The following CCSER1 variants were observed in gnomAD, a reference collection of about 807,000 sequenced individuals.
CCSER1 encodes the protein coiled-coil serine rich protein 1, also known as serine-rich coiled-coil domain-containing protein 1.
CCSER1 carries 41 observed loss-of-function variants against 82.0 expected under a neutral mutation model. That is an observed-to-expected ratio of 0.50 (90% confidence interval 0.39 to 0.65). The LOEUF (loss-of-function observed/expected upper bound fraction) is 0.65. CCSER1 is among the 30% of genes least tolerant of loss of function. The pLI, the probability that CCSER1 is intolerant of heterozygous loss-of-function variation, is 0.00. For synonymous variants in CCSER1, 414 were observed against 383.9 expected, an observed-to-expected ratio of 1.08 and a Z score of -0.92; for missense variants, 1,119 against 1,064.2, an observed-to-expected ratio of 1.05 and a Z score of -0.72.
chr4:91,295,270 A>C (rs1438482900), intron 10 of CCSER1, among the ~76,000 whole-genome samples: 1 of 152,002 alleles, frequency 6.6e-6, no homozygotes, highest in Non-Finnish European at 1.5e-5. Context: ...AAGTAAATGC[A>C]GTGGATCTTA....
In CCSER1 at chr4:91,445,624, T is replaced by C. The variant is rs113460129; in HGVS notation, c.2218-152948T>C. ...CTCACCCCCACCATTTCTTTCACTT[T>C]ACATCCAATCTATTTGTTTTTATCT... On this transcript the variant is annotated intron_variant, in intron 10 of 10. Coordinates refer to ENST00000509176, the MANE Select transcript of CCSER1 (RefSeq NM_001145065.2). Among the ~76,000 whole-genome samples, 60 of 152,260 alleles carry C rather than the reference T, an allele frequency of 3.9e-4. 1 individual carries two copies. The highest frequency in any genetic ancestry group is 1.3e-3 in the African/African-American group (56 of 41,562).
At chr4:91,401,001 A>T (rs1165041961) in intron 10 of CCSER1, among the ~76,000 whole-genome samples, 1 of 151,928 alleles carries the variant, frequency 6.6e-6, no homozygotes, top group Non-Finnish European at 1.5e-5. Flanking sequence ...AGAACTATTT[A>T]TAGTTATTTA....
chr4:90,543,904 A>C (rs1410331694), intron 5 of CCSER1, among the ~76,000 whole-genome samples: 1 of 152,160 alleles, frequency 6.6e-6, no homozygotes, highest in African/African-American at 2.4e-5. Flanking sequence ...AATTGTGATG[A>C]AAGGGTCTGA....
At chr4:90,203,275 G>A (rs945437590) in intron 1 of CCSER1, among the ~76,000 whole-genome samples, 3 of 152,090 alleles carry the variant, frequency 2.0e-5, no homozygotes, top group Admixed American at 6.5e-5. Context: ...GTATACATGT[G>A]CCATGGTGGT....
In CCSER1 at chr4:90,995,344, A is replaced by G. The variant is rs74417907; in HGVS notation, c.2172+71897A>G. On this transcript the variant is annotated intron_variant, in intron 9 of 10. Transcript: ENST00000509176. The stretch of plus-strand genomic sequence containing the variant: ...CCATTAGTTTTTGGACATTGCCCAG[A>G]AGAATTCACAGTAAATTAATAGTCA... 8.8e-4 allele frequency among the ~76,000 whole-genome samples: 134 copies of G among 152,268 alleles called. 1 individual carries two copies. The East Asian group carries it at 0.021, about 24-fold the overall frequency.
chr4:90,514,206 G>A lies in CCSER1; in HGVS notation c.1724+45852G>A, dbSNP rs538616296. Among the ~76,000 whole-genome samples, 8 of 152,200 alleles carry A rather than the reference G, an allele frequency of 5.3e-5. 2 individuals are homozygous for A. Among genetic ancestry groups the A allele is most frequent in the South Asian group, 4.2e-4 (2 of 4,818 alleles). On this transcript the variant is annotated intron_variant, in intron 5 of 10. Transcript: ENST00000509176. ...TTCTTTCATAACTCTTGAATTTGAC[G>A]AGATTAAGCTCTGGATGAATGATTA...
chr4:90,859,780 T>C (rs919423725), intron 8 of CCSER1, among the ~76,000 whole-genome samples: 3 of 151,770 alleles, frequency 2.0e-5, no homozygotes, highest in Non-Finnish European at 4.4e-5. Context: ...TCAAGATATA[T>C]TTAAGGACTG....
intron 10 of CCSER1, among the ~76,000 whole-genome samples, chr4:91,204,845 A>C (rs2149074058): frequency 6.6e-6 from 1 of 151,868 alleles, no homozygotes; most frequent in South Asian, 2.1e-4. Flanking sequence ...CTAAAGAAAA[A>C]TATTGAAATT....
intron 1 of CCSER1, among the ~76,000 whole-genome samples, chr4:90,200,520 A>G (rs1171429993): frequency 6.6e-6 from 1 of 152,104 alleles, no homozygotes; most frequent in Non-Finnish European, 1.5e-5. Context: ...CTCTTTGCTT[A>G]TGAACAATGG....
At chr4:90,247,530 A>C (rs1383295507) in intron 1 of CCSER1, among the ~76,000 whole-genome samples, 1 of 152,156 alleles carries the variant, frequency 6.6e-6, no homozygotes, top group Non-Finnish European at 1.5e-5. Flanking sequence ...CATAGAATTA[A>C]ACTAATCAGT....
chr4:91,296,793 T>C (rs1744217198), intron 10 of CCSER1, among the ~76,000 whole-genome samples: 1 of 151,572 alleles, frequency 6.6e-6, no homozygotes, highest in African/African-American at 2.4e-5. Context: ...ATTACCAGAC[T>C]GGGATTTTTT....
intron 1 of CCSER1, chr4:90,235,055 T>G (rs537016488): frequency 1.3e-5 from 2 of 152,154 alleles, no homozygotes; most frequent in South Asian, 4.2e-4. Flanking sequence ...CGGGGCTGTG[T>G]ATGCTCGAGG....
chr4:90,594,871 A>G (rs1041127638), intron 5 of CCSER1, among the ~76,000 whole-genome samples: 1 of 152,088 alleles, frequency 6.6e-6, no homozygotes, highest in Non-Finnish European at 1.5e-5. Flanking sequence ...AACACCTAGT[A>G]TTAGATGCTT....
chr4:90,312,426 T>A (rs1157857018), intron 2 of CCSER1, among the ~76,000 whole-genome samples: 3 of 152,174 alleles, frequency 2.0e-5, no homozygotes, highest in Admixed American at 6.6e-5. Context: ...GGCCCTCACT[T>A]ATGTTTTAAG....
Position 90,353,690 on chromosome 4 carries a change from G to T in CCSER1, c.1509+40643G>T, listed in dbSNP as rs191861562. On this transcript the variant is annotated intron_variant, in intron 3 of 10. Transcript: ENST00000509176. ...ACAAGGTAGGCTTATGTCTCCTTTGGAACAATAGGAGTCTTTCTGAAAACA... is the reference window on the plus strand; with the variant it reads ...ACAAGGTAGGCTTATGTCTCCTTTGTAACAATAGGAGTCTTTCTGAAAACA... Among the ~76,000 whole-genome samples the T allele has an allele frequency of 1.8e-4, 28 of 152,228 alleles. 1 individual carries two copies. In the East Asian group the frequency reaches 5.2e-3, roughly 28 times the overall value.
chr4:90,282,818 G>A (rs1729122156), intron 1 of CCSER1, among the ~76,000 whole-genome samples: 1 of 151,776 alleles, frequency 6.6e-6, no homozygotes, highest in Non-Finnish European at 1.5e-5. Flanking sequence ...GACCTTTATT[G>A]GTCACTGTAT....
intron 10 of CCSER1, among the ~76,000 whole-genome samples, chr4:91,168,692 C>T (rs1732430431): frequency 6.6e-6 from 1 of 152,106 alleles, no homozygotes; most frequent in South Asian, 2.1e-4. Flanking sequence ...GTGTACCCAA[C>T]AGCTCCGAAG....
chr4:90,562,160 A>G (rs915605535), intron 5 of CCSER1, among the ~76,000 whole-genome samples: 1 of 149,280 alleles, frequency 6.7e-6, no homozygotes, highest in Non-Finnish European at 1.5e-5. Context: ...ATTGCACTCC[A>G]GCCTGGGCAA....
At chr4:91,064,732 A>AGCTT (rs1291034377) in intron 9 of CCSER1, among the ~76,000 whole-genome samples, 1 of 152,042 alleles carries the variant, frequency 6.6e-6, no homozygotes, top group Non-Finnish European at 1.5e-5. Flanking sequence ...CAAAAGCCAC[A>AGCTT]TTGCTGGAAA....
Sources: allele counts gnomAD v4.1 joint callset (sites outside exome capture counted in the v4.1 genomes callset), GRCh38; gene constraint gnomAD v4.1.1; transcripts MANE v1.5; gene names NCBI Gene and HGNC (gene_info 2026-07-23, HGNC 2026-07-21).